Variants in UNC13C observed in about 807,000 individuals in gnomAD.
UNC13C encodes the protein protein unc-13 homolog C.
In UNC13C, 174 loss-of-function variants were observed where a neutral mutation model predicts 245.4. The observed-to-expected ratio is 0.71, with a 90% CI of 0.63 to 0.80. UNC13C has a LOEUF of 0.80. Ranked by LOEUF, UNC13C falls within the 30% of genes least tolerant of loss-of-function variation. The pLI, the probability that UNC13C is intolerant of heterozygous loss-of-function variation, is 0.00. For missense variants in UNC13C, 2,829 were observed against 2,602.9 expected (o/e 1.09, Z -1.89); for synonymous variants, 992 against 895.1 (o/e 1.11, Z -1.93).
intron 2 of UNC13C, among the ~76,000 whole-genome samples, chr15:54,065,930 C>G (rs1898056695): frequency 6.6e-6 from 1 of 152,154 alleles, no homozygotes; most frequent in South Asian, 2.1e-4. Flanking sequence ...AAAGCAAGCA[C>G]AGTTTGAATT....
At chr15:53,858,718 C>T in the UNC13C span, among the ~76,000 whole-genome samples, 1 of 152,122 alleles carries the variant, frequency 6.6e-6, no homozygotes, top group East Asian at 1.9e-4. Context: ...CACACCTGGC[C>T]CAGATAATGA....
At chr15:53,957,984 T>A in the UNC13C span, among the ~76,000 whole-genome samples, 2 of 152,146 alleles carry the variant, frequency 1.3e-5, no homozygotes, top group Non-Finnish European at 2.9e-5. Flanking sequence ...TTTTTTTGTG[T>A]TTTTTTGGTC....
At chr15:54,235,600 T>C (rs1452204121) in intron 5 of UNC13C, among the ~76,000 whole-genome samples, 1 of 152,130 alleles carries the variant, frequency 6.6e-6, no homozygotes, top group Non-Finnish European at 1.5e-5. Context: ...AAGAAAATCA[T>C]GGTTCACTTT....
intron 4 of UNC13C, among the ~76,000 whole-genome samples, chr15:54,199,312 C>G (rs1286532934): frequency 6.6e-6 from 1 of 152,068 alleles, no homozygotes; most frequent in African/African-American, 2.4e-5. Flanking sequence ...TGCTAGAGAG[C>G]CACACATCCA....
chr15:54,305,191 A>T (rs1418150979), intron 13 of UNC13C, among the ~76,000 whole-genome samples: 2 of 152,068 alleles, frequency 1.3e-5, no homozygotes, highest in African/African-American at 4.8e-5. Flanking sequence ...AATTACATTT[A>T]TTTTTACCTT....
intron 19 of UNC13C, among the ~76,000 whole-genome samples, chr15:54,462,476 G>C (rs750727403): frequency 4.6e-5 from 7 of 152,152 alleles, no homozygotes; most frequent in Non-Finnish European, 1.0e-4. Flanking sequence ...GGCCGGAACC[G>C]GGGCTACGCA....
intron 30 of UNC13C, among the ~76,000 whole-genome samples, chr15:54,616,882 G>A (rs1278710056): frequency 6.6e-6 from 1 of 151,904 alleles, no homozygotes; most frequent in African/African-American, 2.4e-5. Flanking sequence ...TCATGGTAAG[G>A]GCCCAATATA....
intron 10 of UNC13C, among the ~76,000 whole-genome samples, chr15:54,269,367 G>C (rs967968973): frequency 7.2e-5 from 11 of 151,982 alleles, no homozygotes; most frequent in African/African-American, 2.2e-4. Flanking sequence ...AGAAAGTCTG[G>C]AAACCTGAAT....
In UNC13C at chr15:54,627,305, G is replaced by A. The variant is rs1340901785; in HGVS notation, c.*192G>A. 3 of 489,334 alleles carry A rather than the reference G, an allele frequency of 6.1e-6. No homozygotes were observed. In the Admixed American group the frequency reaches 1.1e-4, roughly 18 times the overall value. The allele number at this position is 489,334 out of a possible 1,614,324, so 30.3% of individuals were successfully genotyped here. A position where few individuals can be genotyped will look rare whatever the true frequency, so the allele number is the denominator to read the frequency against. On this transcript the variant is annotated 3_prime_UTR_variant, in exon 33 of 33. Transcript: ENST00000260323. ...CTTTGGGAAATCAGTGTTCCATGAA[G>A]TGCCAAAATTATGATGTAAAGTGAA...
At chr15:54,137,788 T>C (rs1026872872) in intron 2 of UNC13C, among the ~76,000 whole-genome samples, 3 of 152,194 alleles carry the variant, frequency 2.0e-5, no homozygotes, top group Admixed American at 2.0e-4. Context: ...GTTTCATCTA[T>C]CTTTTCCATT....
chr15:54,166,661 G>A (rs943989557), intron 4 of UNC13C, among the ~76,000 whole-genome samples: 6 of 152,006 alleles, frequency 3.9e-5, no homozygotes, highest in African/African-American at 1.4e-4. Flanking sequence ...TAGTAAAATA[G>A]GTTTCAAGGT....
chr15:54,611,545 A>C (rs1346158065), intron 30 of UNC13C: 1 of 152,160 alleles, frequency 6.6e-6, no homozygotes, highest in Admixed American at 6.5e-5. Flanking sequence ...TTATTTCTGA[A>C]ATAATCTCTG....
At chr15:54,108,640 G>C (rs565038323) in intron 2 of UNC13C, among the ~76,000 whole-genome samples, 63 of 152,260 alleles carry the variant, frequency 4.1e-4, no homozygotes, top group African/African-American at 1.4e-3. Context: ...ATAGCACATA[G>C]ATTTACCTCC....
chr15:54,480,063 T>C (rs913692172), intron 19 of UNC13C, among the ~76,000 whole-genome samples: 3 of 152,256 alleles, frequency 2.0e-5, no homozygotes, highest in Admixed American at 2.0e-4. Context: ...GACTCCCTTA[T>C]ATGTGAGTTG....
chr15:54,383,601 T>A (rs2039774079), intron 17 of UNC13C, among the ~76,000 whole-genome samples: 1 of 152,000 alleles, frequency 6.6e-6, no homozygotes. Context: ...CTCTAAGAAA[T>A]GAAACAAATG....
intron 2 of UNC13C, among the ~76,000 whole-genome samples, chr15:54,040,917 A>C (rs574331073): frequency 3.3e-5 from 5 of 152,282 alleles, no homozygotes; most frequent in African/African-American, 1.2e-4. Flanking sequence ...ATCTGTATTT[A>C]ACTTTGCAAC....
intron 19 of UNC13C, among the ~76,000 whole-genome samples, chr15:54,479,197 T>C (rs1417061198): frequency 1.3e-5 from 2 of 152,062 alleles, no homozygotes; most frequent in East Asian, 3.9e-4. Context: ...CGACTATTAT[T>C]TTATGGGGGT....
chr15:54,455,167 C>CTCTCTCTCTCTCTCTG lies in UNC13C; in HGVS notation c.4934-39426_4934-39425insGTCTCTCTCTCTCTCT, dbSNP rs1567288690. On this transcript the variant is annotated intron_variant, in intron 19 of 32. Transcript: ENST00000260323. ...CTTTCTATGGCTGAGTCATATTCCT[C>CTCTCTCTCTCTCTCTG]TCTCTCTCTCTCTCTCTCTCTCTCT... 3.8e-4 allele frequency among the ~76,000 whole-genome samples: 7 copies of CTCTCTCTCTCTCTCTG among 18,554 alleles called. No homozygotes were observed. The East Asian group carries it at 0.01, about 27-fold the overall frequency. 12.2% of individuals were successfully genotyped at this position (18,554 alleles called of 152,430 possible). A position where few individuals can be genotyped will look rare whatever the true frequency, so the allele number is the denominator to read the frequency against.
chr15:54,149,041 G>A (rs185419658), intron 4 of UNC13C, among the ~76,000 whole-genome samples: 5 of 152,228 alleles, frequency 3.3e-5, no homozygotes, highest in African/African-American at 1.2e-4. Flanking sequence ...CCCCCAGGCT[G>A]TTCTCCTGCT....
Sources: gnomAD v4.1 joint callset for allele counts (sites outside exome capture counted in the v4.1 genomes callset) on GRCh38, gnomAD v4.1.1 for gene constraint, MANE v1.5 for transcripts, NCBI Gene and HGNC (gene_info 2026-07-23, HGNC 2026-07-21) for gene names.